Variants in CSTF3 observed in about 807,000 individuals in gnomAD.
CSTF3 encodes cleavage stimulation factor subunit 3.
Under a neutral mutation model 105.8 loss-of-function variants are expected in CSTF3, and 29 were observed. That is an observed-to-expected ratio of 0.27 (90% CI 0.20 to 0.37). The LOEUF (loss-of-function observed/expected upper bound fraction) is 0.37. Ranked by LOEUF, CSTF3 falls within the 10% of genes least tolerant of loss-of-function variation. The pLI is 1.00. For synonymous variants in CSTF3, 252 were observed against 281.9 expected (o/e 0.89, Z 1.06); for missense variants, 357 against 879.3 (o/e 0.41, Z 7.51).
intron 3 of CSTF3, among the ~76,000 whole-genome samples, chr11:33,129,136 G>A (rs1855572997): frequency 6.6e-6 from 1 of 152,212 alleles, no homozygotes; most frequent in Non-Finnish European, 1.5e-5. Flanking sequence ...CTGTTGCCCA[G>A]GCTGCAGTGC....
At chr11:33,089,344 C>CAAA (rs71034649) in intron 17 of CSTF3, among the ~76,000 whole-genome samples, 10 of 123,982 alleles carry the variant, frequency 8.1e-5, no homozygotes, top group Non-Finnish European at 1.6e-4. Context: ...GAGACCATCT[C>CAAA]AAAAAAAAAA....
intron 3 of CSTF3, among the ~76,000 whole-genome samples, chr11:33,113,519 CAAACAAACAAACAAA>C (rs1351418870): frequency 2.6e-5 from 4 of 151,760 alleles, no homozygotes; most frequent in Non-Finnish European, 4.4e-5. Flanking sequence ...CCTGTCTAAA[CAAACAAACAAACAAA>C]AAACAAATAA....
At chr11:33,104,602 T>C (rs1246972762) in intron 8 of CSTF3, among the ~76,000 whole-genome samples, 2 of 151,924 alleles carry the variant, frequency 1.3e-5, no homozygotes, top group African/African-American at 4.8e-5. Context: ...AGAAACCCCA[T>C]CTCTACAAAA....
intron 1 of CSTF3, among the ~76,000 whole-genome samples, chr11:33,143,846 CG>C (rs557377304): frequency 9.2e-5 from 14 of 151,802 alleles, no homozygotes; most frequent in African/African-American, 3.4e-4. Context: ...AAAAATTAGC[CG>C]GGCATGGTGG....
chr11:33,126,709 T>C (rs779167539), intron 3 of CSTF3, among the ~76,000 whole-genome samples: 1 of 152,222 alleles, frequency 6.6e-6, no homozygotes, highest in Non-Finnish European at 1.5e-5. Flanking sequence ...TTTGAGACCT[T>C]TGAATTTTTA....
chr11:33,097,102 A>C (rs957269516), intron 13 of CSTF3, 124 bp from the exon 14 acceptor site: 1 of 700,168 alleles, frequency 1.4e-6, no homozygotes, highest in Non-Finnish European at 2.1e-6. Flanking sequence ...TTAAATCCAC[A>C]AACTAATTTT....
intron 17 of CSTF3, among the ~76,000 whole-genome samples, chr11:33,090,040 G>C (rs1034693019): frequency 2.0e-5 from 3 of 152,166 alleles, no homozygotes; most frequent in African/African-American, 7.2e-5. Flanking sequence ...CACTGAAGGA[G>C]CACTGTTTTA....
At position 33,085,262 on chromosome 11, in the gene CSTF3, G is replaced by A. The variant is rs781609088; in HGVS notation, c.1979C>T (p.Thr660Ile). The A allele has an allele frequency of 6.4e-7, 1 of 1,559,454 alleles. No homozygotes were observed. Among genetic ancestry groups the A allele is most frequent in the Admixed American group, 2.1e-5 (1 of 48,062 alleles). The change falls in exon 21 of 21, where the codon ACT becomes ATT. Residue 660 changes from threonine to isoleucine, a missense_variant. Thr to Ile is a moderately conservative substitution (Grantham distance 89). This residue lies in a region of CSTF3 where 73 missense variants were observed against 105.8 expected (regional missense o/e 0.69). Coordinates refer to ENST00000323959, the MANE Select transcript of CSTF3 (RefSeq NM_001326.3). Reference protein sequence around the residue: ...NTVEEAVRIITGGAPELAVEG... With the variant: ...NTVEEAVRIIIGGAPELAVEG... ...TACAGCTAGCTCTGGGGCCCCACCA[G>A]TAATGATCCTCACAGCTTCCTCAAC...
At chr11:33,107,825 AC>A in intron 5 of CSTF3, 77 bp downstream of exon 5, 1 of 762,670 alleles carries the variant, frequency 1.3e-6, no homozygotes, top group Non-Finnish European at 2.2e-6. Context: ...CTTGGGGCTA[AC>A]AGAAGGTGTG....
chr11:33,105,421 AC>A, intron 8 of CSTF3, 145 bp downstream of exon 8: 1 of 724,356 alleles, frequency 1.4e-6, no homozygotes, highest in East Asian at 2.8e-5. Flanking sequence ...AGACTCTCAA[AC>A]CTTGCAAAAA....
chr11:33,149,710 C>G (rs1027522224), intron 1 of CSTF3, among the ~76,000 whole-genome samples: 1 of 152,076 alleles, frequency 6.6e-6, no homozygotes, highest in Non-Finnish European at 1.5e-5. Context: ...ATGGTGAAAC[C>G]CCATCTCTAC....
At chr11:33,148,793 T>C (rs918675787) in intron 1 of CSTF3, among the ~76,000 whole-genome samples, 5 of 151,748 alleles carry the variant, frequency 3.3e-5, no homozygotes, top group African/African-American at 1.2e-4. Context: ...CTCAGAATAA[T>C]ATTCTTAAAT....
At chr11:33,123,740 G>A (rs1855516082) in intron 3 of CSTF3, among the ~76,000 whole-genome samples, 1 of 152,010 alleles carries the variant, frequency 6.6e-6, no homozygotes, top group African/African-American at 2.4e-5. Flanking sequence ...TTAATGTAAA[G>A]GACAGAACAC....
At chr11:33,159,595 CAAAAAA>C (rs71034656) in intron 1 of CSTF3, among the ~76,000 whole-genome samples, 2 of 37,958 alleles carry the variant, frequency 5.3e-5, no homozygotes, top group East Asian at 1.2e-3. Flanking sequence ...GGCTCCATCT[CAAAAAA>C]AAAAAAAAAA....
intron 1 of CSTF3, among the ~76,000 whole-genome samples, chr11:33,151,401 G>A (rs950924953): frequency 6.6e-6 from 1 of 151,860 alleles, no homozygotes; most frequent in African/African-American, 2.4e-5. Context: ...GTCCAGGCTG[G>A]TCTTGAACTC....
At chr11:33,111,179 GAT>G (rs1349402561) in intron 3 of CSTF3, among the ~76,000 whole-genome samples, 1 of 152,058 alleles carries the variant, frequency 6.6e-6, no homozygotes, top group Non-Finnish European at 1.5e-5. Context: ...GCAGTGAGCT[GAT>G]ATCACACCAC....
At position 33,141,696 on chromosome 11, in the gene CSTF3, T is replaced by G. The variant is rs1162684409; in HGVS notation, c.196A>C (p.Arg66=). ...RLVAQFPSSG[R]FWKLYIEAEI... ...GCTTCAATGTACAGTTTCCAGAATC[T>G]GCCAGAACTGGGGAACTGGGCAACA... Residue 66 remains arginine, a synonymous_variant, in exon 3 of 21, where the codon AGA becomes CGA. Coordinates refer to ENST00000323959, the MANE Select transcript of CSTF3 (RefSeq NM_001326.3). 1.2e-6 allele frequency: 2 copies of G among 1,612,666 alleles called. No homozygotes were observed. Among genetic ancestry groups the G allele is most frequent in the Admixed American group, 3.3e-5 (2 of 59,728 alleles).
intron 3 of CSTF3, among the ~76,000 whole-genome samples, chr11:33,116,867 GA>G (rs1230109943): frequency 6.6e-6 from 1 of 151,732 alleles, no homozygotes; most frequent in East Asian, 1.9e-4. Flanking sequence ...CTTTGGCTCA[GA>G]GAAGGTAGAA....
chr11:33,158,635 A>C (rs1165934364), intron 1 of CSTF3, among the ~76,000 whole-genome samples: 1 of 152,214 alleles, frequency 6.6e-6, no homozygotes, highest in Non-Finnish European at 1.5e-5. Flanking sequence ...CCCTAAACCA[A>C]GTGATCAAAC....
Sources: gnomAD v4.1 joint callset for allele counts (sites outside exome capture counted in the v4.1 genomes callset) on GRCh38, gnomAD v4.1.1 for gene constraint, gnomAD v4.1.1 regional missense constraint, MANE v1.5 for transcripts, NCBI Gene and HGNC (gene_info 2026-07-23, HGNC 2026-07-21) for gene names.